Variants in MARCHF11 observed in about 807,000 individuals in gnomAD.
MARCHF11 encodes the protein E3 ubiquitin-protein ligase MARCHF11.
MARCHF11 carries 29 observed loss-of-function variants against 37.3 expected under a neutral mutation model. The ratio of observed to expected loss-of-function variants is 0.78; its 90% CI spans 0.58 to 1.06. The LOEUF is 1.06. MARCHF11 is among the 50% of genes least tolerant of loss of function. The probability of loss-of-function intolerance (pLI) is 0.00; values close to 1 mark genes in which losing one functional copy is unlikely to be tolerated. For synonymous variants in MARCHF11, 233 were observed against 228.0 expected (o/e 1.02, Z -0.20); for missense variants, 482 against 533.4 (o/e 0.90, Z 0.95).
chr5:16,178,856 C>T (rs1311327243), intron 1 of MARCHF11, among the ~76,000 whole-genome samples, 183 bp downstream of exon 1: 3 of 152,232 alleles, frequency 2.0e-5, no homozygotes, highest in Admixed American at 2.0e-4. Context: ...TGGGACATTT[C>T]TATTTGCCTT....
At chr5:16,092,192 G>C (rs1736800232) in intron 2 of MARCHF11, among the ~76,000 whole-genome samples, 1 of 150,240 alleles carries the variant, frequency 6.7e-6, no homozygotes, top group African/African-American at 2.5e-5. Flanking sequence ...CTCATTGTCT[G>C]TCTCTCTGTC....
At chr5:16,150,342 A>G (rs1426817429) in intron 2 of MARCHF11, among the ~76,000 whole-genome samples, 3 of 149,412 alleles carry the variant, frequency 2.0e-5, no homozygotes, top group Non-Finnish European at 2.9e-5. Flanking sequence ...ACAAAGCTGG[A>G]AAGAGCAGAA....
At position 16,125,765 on chromosome 5, in the gene MARCHF11, G is replaced by A. The variant is rs568213052; in HGVS notation, c.694-34684C>T. On this transcript the variant is annotated intron_variant, in intron 2 of 3. Transcript: ENST00000332432. ...ATTGTGAGGAAATCCAACTACATTTGTTCTATGAAGGAAAGAAAAGCTACA... is the reference window on the plus strand; with the variant it reads ...ATTGTGAGGAAATCCAACTACATTTATTCTATGAAGGAAAGAAAAGCTACA... Among the ~76,000 whole-genome samples the A allele has an allele frequency of 1.1e-3, 174 of 152,034 alleles. 1 individual carries two copies. The highest frequency in any genetic ancestry group is 1.8e-3 in the Non-Finnish European group (123 of 67,990).
chr5:16,107,338 T>C (rs1426817762), intron 2 of MARCHF11, among the ~76,000 whole-genome samples: 1 of 152,048 alleles, frequency 6.6e-6, no homozygotes, highest in Admixed American at 6.6e-5. Flanking sequence ...CTATTGTTTT[T>C]TTTTTTGAAA....
intron 2 of MARCHF11, among the ~76,000 whole-genome samples, chr5:16,108,548 T>C (rs1240716096): frequency 1.3e-5 from 2 of 152,098 alleles, no homozygotes; most frequent in African/African-American, 4.8e-5. Flanking sequence ...GAAGGGATTG[T>C]GGGAGGCAGA....
chr5:16,155,782 A>G (rs1177875001), intron 2 of MARCHF11, among the ~76,000 whole-genome samples: 1 of 151,966 alleles, frequency 6.6e-6, no homozygotes, highest in Non-Finnish European at 1.5e-5. Flanking sequence ...GTAAGAGCTC[A>G]ATAAATGGCA....
At chr5:16,106,481 G>A (rs1437776328) in intron 2 of MARCHF11, among the ~76,000 whole-genome samples, 1 of 152,206 alleles carries the variant, frequency 6.6e-6, no homozygotes, top group Non-Finnish European at 1.5e-5. Flanking sequence ...CCAATGCCAT[G>A]GTAGCATCAG....
chr5:16,138,980 T>C lies in MARCHF11; in HGVS notation c.693+38746A>G, dbSNP rs150451620. On this transcript the variant is annotated intron_variant, in intron 2 of 3. Coordinates refer to ENST00000332432, the MANE Select transcript of MARCHF11 (RefSeq NM_001102562.3). ...GGCTCATAGGCAGAATGGACTTGCCTTGTCATGGATGAGACTTCGAACTGT... is the reference window on the plus strand; with the variant it reads ...GGCTCATAGGCAGAATGGACTTGCCCTGTCATGGATGAGACTTCGAACTGT... Among the ~76,000 whole-genome samples the C allele has an allele frequency of 1.5e-3, 236 of 152,302 alleles. 2 individuals are homozygous for C. Among genetic ancestry groups the C allele is most frequent in the African/African-American group, 5.3e-3 (219 of 41,572 alleles).
In MARCHF11 at chr5:16,124,447, G is replaced by A. The variant is rs150157953; in HGVS notation, c.694-33366C>T. On this transcript the variant is annotated intron_variant, in intron 2 of 3. Transcript: ENST00000332432. Reference sequence around the variant, plus strand: ...GGGTATCACTTGTTAGAATGTAGTGGGGACAGGATTTCAGGGAGTTTAGTT... The same window carrying A: ...GGGTATCACTTGTTAGAATGTAGTGAGGACAGGATTTCAGGGAGTTTAGTT... Among the ~76,000 whole-genome samples the A allele has an allele frequency of 1.0e-3, 158 of 152,254 alleles. 1 individual carries two copies. The highest frequency in any genetic ancestry group is 3.3e-3 in the African/African-American group (139 of 41,562).
At chr5:16,100,060 G>A (rs1200894735) in intron 2 of MARCHF11, among the ~76,000 whole-genome samples, 1 of 152,156 alleles carries the variant, frequency 6.6e-6, no homozygotes, top group East Asian at 1.9e-4. Flanking sequence ...TGCTGCTCAA[G>A]AGGAAGAAAT....
chr5:16,091,909 A>G (rs1294381391), intron 2 of MARCHF11, among the ~76,000 whole-genome samples: 1 of 152,250 alleles, frequency 6.6e-6, no homozygotes, highest in Non-Finnish European at 1.5e-5. Flanking sequence ...TTGAAGCAGA[A>G]ACGAAACAAG....
At chr5:16,160,216 G>A (rs1286940937) in intron 2 of MARCHF11, among the ~76,000 whole-genome samples, 2 of 144,890 alleles carry the variant, frequency 1.4e-5, no homozygotes, top group East Asian at 4.0e-4. Context: ...TGCCAGAGAT[G>A]TTATAATTAT....
intron 2 of MARCHF11, among the ~76,000 whole-genome samples, chr5:16,123,626 T>C (rs1737349513): frequency 6.6e-6 from 1 of 152,186 alleles, no homozygotes. Context: ...TGCATGGTGA[T>C]GTTGCAGTGA....
At chr5:16,081,600 A>G (rs1736609909) in intron 3 of MARCHF11, among the ~76,000 whole-genome samples, 1 of 152,214 alleles carries the variant, frequency 6.6e-6, no homozygotes, top group Non-Finnish European at 1.5e-5. Context: ...CAGGCTCAGC[A>G]CCACGGTAAA....
At chr5:16,138,235 C>G (rs1016367521) in intron 2 of MARCHF11, among the ~76,000 whole-genome samples, 14 of 152,176 alleles carry the variant, frequency 9.2e-5, no homozygotes, top group African/African-American at 2.9e-4. Flanking sequence ...TCAGGGCCCC[C>G]TACTGTGTGC....
intron 2 of MARCHF11, among the ~76,000 whole-genome samples, chr5:16,169,362 A>G (rs1474513890): frequency 6.6e-6 from 1 of 152,120 alleles, no homozygotes; most frequent in Non-Finnish European, 1.5e-5. Flanking sequence ...AGGCACACTA[A>G]GGCAACAATG....
intron 3 of MARCHF11, among the ~76,000 whole-genome samples, chr5:16,087,687 T>C (rs1368287205): frequency 6.6e-6 from 1 of 152,144 alleles, no homozygotes. Flanking sequence ...TGATAGCGGC[T>C]AGACCCTTGA....
At chr5:16,124,521 T>C (rs1737367014) in intron 2 of MARCHF11, among the ~76,000 whole-genome samples, 2 of 152,150 alleles carry the variant, frequency 1.3e-5, no homozygotes, top group South Asian at 2.1e-4. Context: ...AAATTGGCCT[T>C]TCTTCATTAC....
At chr5:16,146,483 G>A (rs1431846041) in intron 2 of MARCHF11, among the ~76,000 whole-genome samples, 3 of 152,086 alleles carry the variant, frequency 2.0e-5, no homozygotes, top group South Asian at 2.1e-4. Context: ...AGTTCTCTCT[G>A]ATTCATCACC....
Sources: allele counts gnomAD v4.1 joint callset (sites outside exome capture counted in the v4.1 genomes callset), GRCh38; gene constraint gnomAD v4.1.1; transcripts MANE v1.5; gene names NCBI Gene and HGNC (gene_info 2026-07-23, HGNC 2026-07-21).